The following COL7A1 variants were observed in gnomAD, a reference collection of about 807,000 sequenced individuals.
The protein encoded by COL7A1 is collagen alpha-1(VII) chain.
COL7A1 carries 296 observed loss-of-function variants against 456.2 expected under a neutral mutation model. The observed-to-expected ratio is 0.65, with a 90% confidence interval of 0.59 to 0.71. COL7A1 has a LOEUF of 0.71. Among genes scored for constraint, COL7A1 ranks in the 30% least tolerant of loss-of-function variants. The probability of loss-of-function intolerance (pLI) is 0.00; values close to 1 mark genes in which losing one functional copy is unlikely to be tolerated. For missense variants in COL7A1, 3,441 were observed against 4,017.2 expected, an observed-to-expected ratio of 0.86 and a Z score of 3.88; for synonymous variants, 1,464 against 1,525.9, an observed-to-expected ratio of 0.96 and a Z score of 0.95.
At position 48,592,809 on chromosome 3, in the gene COL7A1, C is replaced by T. The variant is rs1378577663; in HGVS notation, c.812G>A (p.Gly271Glu). ...GYKVQYTPLT[G>E]LGQPLPSERQ... is the part of the protein sequence containing the mutation. The stretch of plus-strand genomic sequence containing the variant: ...CTCACTCGGCAGTGGCTGTCCCAGC[C>T]CCGTCAGAGGAGTGTACTGGACCTT... The change falls in exon 7 of 119, where the codon GGG (glycine) becomes GAG (glutamate). Residue 271 changes from glycine to glutamate, a missense_variant. Coordinates refer to ENST00000681320, the MANE Select transcript of COL7A1 (RefSeq NM_000094.4). This position sits in a 1 kb window ranked among gnomAD's most constrained non-coding sequence, Gnocchi z 7.6. The T allele has an allele frequency of 6.2e-7, 1 of 1,613,810 alleles. No individual in the cohort carries two copies. The highest frequency in any genetic ancestry group is 8.5e-7 in the Non-Finnish European group (1 of 1,180,044).
Position 48,578,636 on chromosome 3 carries a change from G to T in COL7A1, c.5425-121C>A. On this transcript the variant is annotated intron_variant, in intron 63 of 118. Coordinates refer to ENST00000681320, the MANE Select transcript of COL7A1 (RefSeq NM_000094.4). This position sits in a 1 kb window ranked among gnomAD's most constrained non-coding sequence, Gnocchi z 4.7. The stretch of plus-strand genomic sequence containing the variant: ...GGGTAGAGACCCCCAGGACTGAGAG[G>T]TCCCATTGAGATCCCTCAGGCACAG... 1 of 1,166,544 alleles carries T rather than the reference G, an allele frequency of 8.6e-7. No homozygotes were observed. Among genetic ancestry groups the T allele is most frequent in the Non-Finnish European group, 1.2e-6 (1 of 801,974 alleles). 72.3% of individuals were successfully genotyped at this position (1,166,544 alleles called of 1,614,324 possible).
Position 48,593,921 on chromosome 3 carries a change from G to C in COL7A1, c.267-225C>G, listed in dbSNP as rs919470946. ...GGTGGGCCTGGGCAGACCTGAAGGA[G>C]CCCTTAGGGGCTCACAGTCTGTGGG... On this transcript the variant is annotated intron_variant, in intron 3 of 118. Transcript: ENST00000681320. This position sits in a 1 kb window ranked among gnomAD's most constrained non-coding sequence, Gnocchi z 4.4. 6.6e-6 allele frequency among the ~76,000 whole-genome samples: 1 copy of C among 152,210 alleles called. No homozygotes were observed. The highest frequency in any genetic ancestry group is 2.4e-5 in the African/African-American group (1 of 41,462).
Position 48,590,424 on chromosome 3 carries a change from C to A in COL7A1, c.1906+35G>T, listed in dbSNP as rs765644969. On this transcript the variant is annotated intron_variant, in intron 15 of 118. Transcript: ENST00000681320. The surrounding 1 kb of genome is among the most constrained non-coding windows in gnomAD (Gnocchi z 4.6). Reference sequence around the variant, plus strand: ...CTCTGGCACCCATACCCTCATTGGTCCCTTTGGCAGTCCCCCCACACACCC... The same window carrying A: ...CTCTGGCACCCATACCCTCATTGGTACCTTTGGCAGTCCCCCCACACACCC... 4 of 1,614,086 alleles carry A rather than the reference C, an allele frequency of 2.5e-6. No homozygotes were observed. In the South Asian group the frequency reaches 4.4e-5, roughly 18 times the overall value.
In COL7A1 at chr3:48,591,838, G is replaced by A. The variant is rs966378277; in HGVS notation, c.1358-16C>T. On this transcript the variant is annotated splice_polypyrimidine_tract_variant and intron_variant, in intron 11 of 118. Transcript: ENST00000681320. This position sits in a 1 kb window ranked among gnomAD's most constrained non-coding sequence, Gnocchi z 7.0. ...GGCTCCAAGCCTGCAAGATAACAGGGTCAGACCAGCAGAGGCCATGCCCTG... is the reference window on the plus strand; with the variant it reads ...GGCTCCAAGCCTGCAAGATAACAGGATCAGACCAGCAGAGGCCATGCCCTG... 5.6e-6 allele frequency: 9 copies of A among 1,614,036 alleles called. No homozygotes were observed. Among genetic ancestry groups the A allele is most frequent in the Non-Finnish European group, 7.6e-6 (9 of 1,180,030 alleles).
At position 48,571,455 on chromosome 3, in the gene COL7A1, C is replaced by G. The variant is rs780909449; in HGVS notation, c.7069-177G>C. ...GACATGACCATGGCCTATCTCAGGACAGCACAGACAGAGGGACGCTCAGAT... is the reference window on the plus strand; with the variant it reads ...GACATGACCATGGCCTATCTCAGGAGAGCACAGACAGAGGGACGCTCAGAT... On this transcript the variant is annotated intron_variant, in intron 92 of 118. Coordinates refer to ENST00000681320, the MANE Select transcript of COL7A1 (RefSeq NM_000094.4). This position sits in a 1 kb window ranked among gnomAD's most constrained non-coding sequence, Gnocchi z 4.6. 1.3e-6 allele frequency: 1 copy of G among 779,842 alleles called. No individual in the cohort carries two copies. The highest frequency in any genetic ancestry group is 1.7e-5 in the African/African-American group (1 of 58,286). The allele number at this position is 779,842 out of a possible 1,614,324, so 48.3% of individuals were successfully genotyped here. A position where few individuals can be genotyped will look rare whatever the true frequency, so the allele number is the denominator to read the frequency against.
In COL7A1 at chr3:48,569,679, G is replaced by A. The variant is rs768678506; in HGVS notation, c.7558-31C>T. ...GGGGCAGGCAGGAATCAGAGGAGTCGGGAGCACCCTGGCCCCTGCCCTGCC... is the reference window on the plus strand; with the variant it reads ...GGGGCAGGCAGGAATCAGAGGAGTCAGGAGCACCCTGGCCCCTGCCCTGCC... On this transcript the variant is annotated intron_variant, in intron 101 of 118. Transcript: ENST00000681320. This position sits in a 1 kb window ranked among gnomAD's most constrained non-coding sequence, Gnocchi z 4.9. The A allele has an allele frequency of 1.4e-5, 22 of 1,613,866 alleles. No individual in the cohort carries two copies. Among genetic ancestry groups the A allele is most frequent in the South Asian group, 1.2e-4 (11 of 91,084 alleles).
chr3:48,589,800 C>A, intron 16 of COL7A1, 82 bp from the exon 17 acceptor site: 2 of 1,597,800 alleles, frequency 1.3e-6, no homozygotes, highest in South Asian at 1.1e-5. Flanking sequence ...TGATGGGAGT[C>A]TAACAGGAGA....
Position 48,568,722 on chromosome 3 carries a change from ATG to A in COL7A1, c.7758+60_7758+61del, listed in dbSNP as rs914561962. Reference sequence around the variant, plus strand: ...CAGCACTTAAGAGGACCCCCAGGATATGTGTGTGTGTGATGCTGGCTCTGGAC... The same window carrying A: ...CAGCACTTAAGAGGACCCCCAGGATATGTGTGTGTGATGCTGGCTCTGGAC... On this transcript the variant is annotated intron_variant, in intron 104 of 118. Transcript: ENST00000681320. The surrounding 1 kb of genome is among the most constrained non-coding windows in gnomAD (Gnocchi z 5.2). 77 of 1,511,162 alleles carry A rather than the reference ATG, an allele frequency of 5.1e-5. No individual in the cohort carries two copies. The highest frequency in any genetic ancestry group is 3.7e-4 in the Middle Eastern group (2 of 5,412). The allele number at this position is 1,511,162 out of a possible 1,614,324, so 93.6% of individuals were successfully genotyped here.
rs142318924 is a variant in COL7A1 at position 48,585,353 on chromosome 3, T to TC, written c.3894+203dup. ...TGCCTCTGGGACTTGGAGCTGCTGC[T>TC]CAGGCTCTGCAGCGGGGCTAGAGGC... On this transcript the variant is annotated intron_variant, in intron 32 of 118. Transcript: ENST00000681320. The surrounding 1 kb of genome is among the most constrained non-coding windows in gnomAD (Gnocchi z 4.5). Among the ~76,000 whole-genome samples the TC allele has an allele frequency of 4.4e-3, 676 of 152,308 alleles. 6 individuals carry two copies. Among genetic ancestry groups the TC allele is most frequent in the African/African-American group, 0.016 (652 of 41,572 alleles).
In COL7A1 at chr3:48,594,590, AACCACCCGCCT is replaced by A. The variant is rs755260022; in HGVS notation, c.86-53_86-43del. ...AGATCAGGGCCTCTTCTGGGAGGCC[AACCACCCGCCT>A]ACCCGCACGGTGGCCTCACTGGGAC... On this transcript the variant is annotated intron_variant, in intron 2 of 118. Transcript: ENST00000681320. The surrounding 1 kb of genome is among the most constrained non-coding windows in gnomAD (Gnocchi z 5.5). 1 of 1,540,184 alleles carries A rather than the reference AACCACCCGCCT, an allele frequency of 6.5e-7. No homozygotes were observed. Among genetic ancestry groups the A allele is most frequent in the South Asian group, 1.2e-5 (1 of 84,964 alleles).
Position 48,566,824 on chromosome 3 carries a change from G to T in COL7A1, c.8226+83C>A. The T allele has an allele frequency of 6.3e-7, 1 of 1,584,338 alleles. No individual in the cohort carries two copies. Among genetic ancestry groups the T allele is most frequent in the East Asian group, 2.3e-5 (1 of 44,396 alleles). On this transcript the variant is annotated intron_variant, in intron 111 of 118. Coordinates refer to ENST00000681320, the MANE Select transcript of COL7A1 (RefSeq NM_000094.4). This position sits in a 1 kb window ranked among gnomAD's most constrained non-coding sequence, Gnocchi z 5.9. ...TTGGGGGCCACAGCTTCAGAGGTTG[G>T]GGCAGGCAGGCTGGAAGATGGTTAT... is the stretch of plus-strand genomic sequence containing the variant.
chr3:48,564,325 C>T lies in COL7A1; in HGVS notation c.*81G>A. On this transcript the variant is annotated 3_prime_UTR_variant, in exon 119 of 119. Coordinates refer to ENST00000681320, the MANE Select transcript of COL7A1 (RefSeq NM_000094.4). The surrounding 1 kb of genome is among the most constrained non-coding windows in gnomAD (Gnocchi z 6.0). ...CGCTCACGTGCACACAAGCCTCTAG[C>T]ACCAAGGGGAGGGACAGTGGGGTTC... 1 of 1,539,294 alleles carries T rather than the reference C, an allele frequency of 6.5e-7. No homozygotes were observed. Among genetic ancestry groups the T allele is most frequent in the Non-Finnish European group, 9.0e-7 (1 of 1,112,790 alleles).
intron 67 of COL7A1, 35 bp from the exon 68 acceptor site, chr3:48,576,806 A>T: frequency 6.2e-7 from 1 of 1,613,874 alleles, no homozygotes; most frequent in Non-Finnish European, 8.5e-7. Flanking sequence ...GCACCCTGAG[A>T]CCTCAGAAAA....
rs1422546393 is a variant in COL7A1, at chr3:48,578,343, T to C, written c.5510A>G (p.Lys1837Arg). The change falls in exon 65 of 119, where the codon AAA becomes AGA. Residue 1837 changes from lysine to arginine, a missense_variant. Around this residue, in one of 3 missense-constraint regions of COL7A1, gnomAD observed 2,084 missense variants for 2,501.3 expected, o/e 0.83. Coordinates refer to ENST00000681320, the MANE Select transcript of COL7A1 (RefSeq NM_000094.4). The surrounding 1 kb of genome is among the most constrained non-coding windows in gnomAD (Gnocchi z 4.7). The part of the protein sequence containing the change: ...GLPGKPGEDG[K>R]PGLNGKNGEP... Reference sequence around the variant, plus strand: ...CACGTTTTTTCCATTCAGGCCAGGTTTGCCATCCTCGCCTGGCTTTCCCTG... The same window carrying C: ...CACGTTTTTTCCATTCAGGCCAGGTCTGCCATCCTCGCCTGGCTTTCCCTG... 6.2e-7 allele frequency: 1 copy of C among 1,612,976 alleles called. No individual in the cohort carries two copies. The highest frequency in any genetic ancestry group is 2.2e-5 in the East Asian group (1 of 44,880).
Position 48,571,321 on chromosome 3 carries a change from G to A in COL7A1, c.7069-43C>T, listed in dbSNP as rs375665615. 87 of 1,611,854 alleles carry A rather than the reference G, an allele frequency of 5.4e-5. No individual in the cohort carries two copies. In the African/African-American group the frequency reaches 5.6e-4, roughly 10 times the overall value. On this transcript the variant is annotated intron_variant, in intron 92 of 118. Transcript: ENST00000681320. This position sits in a 1 kb window ranked among gnomAD's most constrained non-coding sequence, Gnocchi z 4.6. ...ACAGCATTTGAGAGGGTAGGAACATGAGCACAGAGTTCAGACACGGGCTGA... is the reference window on the plus strand; with the variant it reads ...ACAGCATTTGAGAGGGTAGGAACATAAGCACAGAGTTCAGACACGGGCTGA...
Position 48,564,544 on chromosome 3 carries a change from GA to G in COL7A1, c.8819-123del. 1 of 1,249,048 alleles carries G rather than the reference GA, an allele frequency of 8.0e-7. No individual in the cohort carries two copies. Among genetic ancestry groups the G allele is most frequent in the South Asian group, 1.3e-5 (1 of 79,304 alleles). 77.4% of individuals were successfully genotyped at this position (1,249,048 alleles called of 1,614,324 possible). On this transcript the variant is annotated intron_variant, in intron 118 of 118. Coordinates refer to ENST00000681320, the MANE Select transcript of COL7A1 (RefSeq NM_000094.4). This position sits in a 1 kb window ranked among gnomAD's most constrained non-coding sequence, Gnocchi z 6.0. ...ACAGGAAGTGGGGGCTCTGACCTCAGAGGGGTCCATACTTAGGTCTTTAAAG... is the reference window on the plus strand; with the variant it reads ...ACAGGAAGTGGGGGCTCTGACCTCAGGGGGTCCATACTTAGGTCTTTAAAG...
In COL7A1 at chr3:48,586,440, G is replaced by A. The variant is rs1268918652; in HGVS notation, c.3442C>T (p.Pro1148Ser). The change falls in exon 27 of 119, where the codon CCA (proline) becomes TCA (serine). Residue 1148 changes from proline to serine, a missense_variant. This residue lies in a region of COL7A1 where 2,084 missense variants were observed against 2,501.3 expected (regional missense o/e 0.83). Transcript: ENST00000681320. The surrounding 1 kb of genome is among the most constrained non-coding windows in gnomAD (Gnocchi z 5.1). Reference protein sequence around the residue: ...VVTAHRYMLAPDAPGRRQHVP... With the variant: ...VVTAHRYMLASDAPGRRQHVP... ...TGCTGGCGGCGCCCAGGAGCATCTG[G>A]TGCCAACATGTATCTGTGAGCTGTG... The A allele has an allele frequency of 1.2e-6, 2 of 1,613,726 alleles. No individual in the cohort carries two copies. Among genetic ancestry groups the A allele is most frequent in the African/African-American group, 1.3e-5 (1 of 74,920 alleles).
At position 48,583,088 on chromosome 3, in the gene COL7A1, A is replaced by C. The variant is rs763778553; in HGVS notation, c.4482+39T>G. ...GAGGTCAGAGCTGAGTTGGGCCCAGATCCTCCAGGGCCCTTGGCACCCCCC... is the reference window on the plus strand; with the variant it reads ...GAGGTCAGAGCTGAGTTGGGCCCAGCTCCTCCAGGGCCCTTGGCACCCCCC... On this transcript the variant is annotated intron_variant, in intron 43 of 118. Transcript: ENST00000681320. The surrounding 1 kb of genome is among the most constrained non-coding windows in gnomAD (Gnocchi z 5.1). 5 of 1,613,690 alleles carry C rather than the reference A, an allele frequency of 3.1e-6. No individual in the cohort carries two copies. The African/African-American group carries it at 6.7e-5, about 22-fold the overall frequency.
chr3:48,568,234 T>C lies in COL7A1; in HGVS notation c.7795-64A>G, dbSNP rs1162139058. On this transcript the variant is annotated intron_variant, in intron 105 of 118. Coordinates refer to ENST00000681320, the MANE Select transcript of COL7A1 (RefSeq NM_000094.4). The surrounding 1 kb of genome is among the most constrained non-coding windows in gnomAD (Gnocchi z 5.2). ...AGTGAGGGACCAAAGAGAATCGCCC[T>C]GGATAGTGGGTAGGGAACACCATGG... 1.3e-6 allele frequency: 2 copies of C among 1,564,702 alleles called. No homozygotes were observed. The highest frequency in any genetic ancestry group is 2.2e-5 in the East Asian group (1 of 44,664).
Sources: gnomAD v4.1 joint callset for allele counts (sites outside exome capture counted in the v4.1 genomes callset) on GRCh38, gnomAD v4.1.1 for gene constraint, gnomAD v4.1.1 regional missense constraint, Gnocchi (gnomAD v3.1) non-coding constraint, MANE v1.5 for transcripts, NCBI Gene and HGNC (gene_info 2026-07-23, HGNC 2026-07-21) for gene names.